The following KDM1B variants were observed in gnomAD, a reference collection of about 807,000 sequenced individuals.
The protein encoded by KDM1B is lysine-specific histone demethylase 2.
Under a neutral mutation model 107.4 loss-of-function variants are expected in KDM1B, and 63 were observed. The observed-to-expected ratio is 0.59, with a 90% CI of 0.48 to 0.72. The LOEUF is 0.72. KDM1B is among the 30% of genes least tolerant of loss of function. The pLI is 0.00. For synonymous variants in KDM1B, 363 were observed against 363.9 expected, an observed-to-expected ratio of 1.00 and a Z score of 0.03; for missense variants, 749 against 1,020.8, an observed-to-expected ratio of 0.73 and a Z score of 3.63.
At position 18,214,929 on chromosome 6, in the gene KDM1B, A is replaced by G. The variant is rs569449738; in HGVS notation, c.2110-78A>G. On this transcript the variant is annotated intron_variant, in intron 19 of 21. Coordinates refer to ENST00000650836, the MANE Select transcript of KDM1B (RefSeq NM_001364614.2). This position sits in a 1 kb window ranked among gnomAD's most constrained non-coding sequence, Gnocchi z 4.4. Reference sequence around the variant, plus strand: ...TGTCTCATTTAAAACAAAACAAAACAAAAAACAAAAAAAAGAGGCCCTTAT... The same window carrying G: ...TGTCTCATTTAAAACAAAACAAAACGAAAAACAAAAAAAAGAGGCCCTTAT... 33 of 1,457,020 alleles carry G rather than the reference A, an allele frequency of 2.3e-5. No individual in the cohort carries two copies. The highest frequency in any genetic ancestry group is 2.6e-5 in the Non-Finnish European group (29 of 1,095,126). 90.3% of individuals were successfully genotyped at this position (1,457,020 alleles called of 1,614,324 possible).
Position 18,203,035 on chromosome 6 carries a change from G to A in KDM1B, c.1531+1378G>A, listed in dbSNP as rs1041788569. Among the ~76,000 whole-genome samples the A allele has an allele frequency of 1.3e-5, 2 of 152,190 alleles. No homozygotes were observed. The highest frequency in any genetic ancestry group is 4.8e-5 in the African/African-American group (2 of 41,440). On this transcript the variant is annotated intron_variant, in intron 14 of 21. Transcript: ENST00000650836. The surrounding 1 kb of genome is among the most constrained non-coding windows in gnomAD (Gnocchi z 5.5). The stretch of plus-strand genomic sequence containing the variant: ...TTGGTTAGTGTTTTGTACCTGTGTT[G>A]CAGTCACTGGCTGGAGTTTTCATTA...
intron 10 of KDM1B, among the ~76,000 whole-genome samples, chr6:18,194,835 C>T (rs1787537849): frequency 6.6e-6 from 1 of 152,096 alleles, no homozygotes. Context: ...AAATTTACAG[C>T]TCAGTGGCAT....
chr6:18,219,473 C>T (rs1244060192), intron 21 of KDM1B, among the ~76,000 whole-genome samples: 1 of 151,948 alleles, frequency 6.6e-6, no homozygotes, highest in Non-Finnish European at 1.5e-5. Flanking sequence ...TAAAATCGTC[C>T]AACTCTAATT....
rs528312100 is a variant in KDM1B at position 18,197,099 on chromosome 6, C to T, written c.1012C>T (p.Arg338Trp). Reference protein sequence around the residue: ...PQKCIPHIIVRGLVRIRCVQE... With the variant: ...PQKCIPHIIVWGLVRIRCVQE... ...GAAATGTATTCCTCACATCATCGTC[C>T]GGGGTCTCGTGCGTATTCGATGCGT... Residue 338 changes from arginine (R) to tryptophan (W), a missense_variant, in exon 11 of 22, where the codon CGG becomes TGG. Arg to Trp is a moderately radical substitution (Grantham distance 101). Coordinates refer to ENST00000650836, the MANE Select transcript of KDM1B (RefSeq NM_001364614.2). This position sits in a 1 kb window ranked among gnomAD's most constrained non-coding sequence, Gnocchi z 4.5. The T allele has an allele frequency of 3.7e-6, 6 of 1,613,844 alleles. No individual in the cohort carries two copies. The South Asian group carries it at 4.4e-5, about 12-fold the overall frequency.
Position 18,201,401 on chromosome 6 carries a change from G to C in KDM1B, c.1360-85G>C. 4.1e-6 allele frequency: 4 copies of C among 968,162 alleles called. No homozygotes were observed. The highest frequency in any genetic ancestry group is 6.1e-6 in the Non-Finnish European group (4 of 658,224). The allele number at this position is 968,162 out of a possible 1,614,324, so 60.0% of individuals were successfully genotyped here. ...AGATATGAGACCATTTTCTCCATGA[G>C]AGCTCTGTCTGATTTTCAGCTTAGA... On this transcript the variant is annotated intron_variant, in intron 13 of 21. Coordinates refer to ENST00000650836, the MANE Select transcript of KDM1B (RefSeq NM_001364614.2). This position sits in a 1 kb window ranked among gnomAD's most constrained non-coding sequence, Gnocchi z 4.3.
intron 10 of KDM1B, among the ~76,000 whole-genome samples, chr6:18,192,639 G>A (rs1161594567): frequency 3.3e-5 from 5 of 151,666 alleles, no homozygotes; most frequent in Non-Finnish European, 7.4e-5. Context: ...GAGTGGTGGT[G>A]TGGCCCTGTA....
In KDM1B at chr6:18,212,723, C is replaced by G. The variant is rs571917078; in HGVS notation, c.1983+119C>G. 3.9e-3 allele frequency: 2,835 copies of G among 728,732 alleles called. 17 individuals are homozygous for G. The highest frequency in any genetic ancestry group is 4.9e-3 in the Non-Finnish European group (2,011 of 410,480). The allele number at this position is 728,732 out of a possible 1,614,324, so 45.1% of individuals were successfully genotyped here. On this transcript the variant is annotated intron_variant, in intron 18 of 21. Coordinates refer to ENST00000650836, the MANE Select transcript of KDM1B (RefSeq NM_001364614.2). The surrounding 1 kb of genome is among the most constrained non-coding windows in gnomAD (Gnocchi z 5.2). Reference sequence around the variant, plus strand: ...AATACAAATAAAACTCAAGGATTTCCTTTTCATTTGAGTAATTGTTCGTGA... The same window carrying G: ...AATACAAATAAAACTCAAGGATTTCGTTTTCATTTGAGTAATTGTTCGTGA...
intron 14 of KDM1B, among the ~76,000 whole-genome samples, chr6:18,202,636 A>C (rs1463257372): frequency 1.3e-5 from 2 of 152,186 alleles, no homozygotes; most frequent in Non-Finnish European, 2.9e-5. Flanking sequence ...TAGTGTGAAC[A>C]TTGGAACTCA....
chr6:18,219,755 A>G (rs1789534132), intron 21 of KDM1B, among the ~76,000 whole-genome samples: 1 of 152,224 alleles, frequency 6.6e-6, no homozygotes, highest in African/African-American at 2.4e-5. Context: ...TGAAAGCTCC[A>G]GCAAGCTTAT....
Position 18,223,599 on chromosome 6 carries a change from A to T in KDM1B, c.*1607A>T, listed in dbSNP as rs552116170. On this transcript the variant is annotated 3_prime_UTR_variant, in exon 22 of 22. Coordinates refer to ENST00000650836, the MANE Select transcript of KDM1B (RefSeq NM_001364614.2). The stretch of plus-strand genomic sequence containing the variant: ...AGTTTCCAGGCACTTGAACTGTGCT[A>T]CAAGTAGGGGAAAACCTACTTTAAA... The T allele has an allele frequency of 9.8e-5, 15 of 152,350 alleles. No individual in the cohort carries two copies. The highest frequency in any genetic ancestry group is 3.1e-4 in the African/African-American group (13 of 41,590). The allele number at this position is 152,350 out of a possible 1,614,324, so 9.4% of individuals were successfully genotyped here. A position where few individuals can be genotyped will look rare whatever the true frequency, so the allele number is the denominator to read the frequency against.
At position 18,209,407 on chromosome 6, in the gene KDM1B, C is replaced by T. The variant is rs1382810930; in HGVS notation, c.1866+1201C>T. ...TTGATTTTCATACAGAAGTAAAGGA[C>T]TGCATGTCACATGGGAAAGACAGGT... On this transcript the variant is annotated intron_variant, in intron 17 of 21. Coordinates refer to ENST00000650836, the MANE Select transcript of KDM1B (RefSeq NM_001364614.2). The surrounding 1 kb of genome is among the most constrained non-coding windows in gnomAD (Gnocchi z 4.3). 6.6e-6 allele frequency among the ~76,000 whole-genome samples: 1 copy of T among 152,166 alleles called. No individual in the cohort carries two copies. Among genetic ancestry groups the T allele is most frequent in the African/African-American group, 2.4e-5 (1 of 41,424 alleles).
At chr6:18,165,438 T>C (rs1382000322) in intron 5 of KDM1B, among the ~76,000 whole-genome samples, 1 of 152,176 alleles carries the variant, frequency 6.6e-6, no homozygotes, top group Non-Finnish European at 1.5e-5. Context: ...CCGCCTTCTC[T>C]GATTTTAATT....
intron 20 of KDM1B, 137 bp from the exon 21 acceptor site, chr6:18,217,596 C>T: frequency 3.2e-6 from 2 of 621,526 alleles, no homozygotes; most frequent in Non-Finnish European, 5.6e-6. Context: ...CCAGGATCGT[C>T]TCGATCTCCT....
chr6:18,156,778 G>A lies in KDM1B; in HGVS notation c.-14+852G>A, dbSNP rs533542742. ...CTAAAAATACAAAAATTAGCCGGAC[G>A]TGGTGGCACACACCTGTAATCCCAG... On this transcript the variant is annotated intron_variant, in intron 2 of 21. Coordinates refer to ENST00000650836, the MANE Select transcript of KDM1B (RefSeq NM_001364614.2). Among the ~76,000 whole-genome samples the A allele has an allele frequency of 3.9e-5, 6 of 152,156 alleles. No individual in the cohort carries two copies. In the East Asian group the frequency reaches 1.2e-3, roughly 29 times the overall value.
At position 18,203,943 on chromosome 6, in the gene KDM1B, C is replaced by G. The variant is rs1170646217; in HGVS notation, c.1532-1594C>G. On this transcript the variant is annotated intron_variant, in intron 14 of 21. Coordinates refer to ENST00000650836, the MANE Select transcript of KDM1B (RefSeq NM_001364614.2). This position sits in a 1 kb window ranked among gnomAD's most constrained non-coding sequence, Gnocchi z 5.5. ...TTGGTTTTTCTCCCCGCCGCCTCCACAAAACCAACAGGAATGTAGAAACTG... is the reference window on the plus strand; with the variant it reads ...TTGGTTTTTCTCCCCGCCGCCTCCAGAAAACCAACAGGAATGTAGAAACTG... Among the ~76,000 whole-genome samples, 1 of 151,632 alleles carries G rather than the reference C, an allele frequency of 6.6e-6. No individual in the cohort carries two copies. Among genetic ancestry groups the G allele is most frequent in the Admixed American group, 6.6e-5 (1 of 15,212 alleles).
At chr6:18,171,087 T>A (rs1785634148) in intron 6 of KDM1B, among the ~76,000 whole-genome samples, 1 of 152,310 alleles carries the variant, frequency 6.6e-6, no homozygotes, top group South Asian at 2.1e-4. Context: ...CCCAAAGTGC[T>A]GGGATTACAG....
intron 10 of KDM1B, among the ~76,000 whole-genome samples, chr6:18,194,501 T>A (rs1787515683): frequency 6.6e-6 from 1 of 152,156 alleles, no homozygotes; most frequent in South Asian, 2.1e-4. Context: ...AAAGTGTAAA[T>A]TGCTATATTT....
intron 17 of KDM1B, among the ~76,000 whole-genome samples, chr6:18,208,625 A>G (rs1486000505): frequency 2.8e-5 from 1 of 36,264 alleles, no homozygotes. Context: ...ATATATATAT[A>G]TATTTTTTTT....
At chr6:18,190,533 C>T (rs866880254) in intron 9 of KDM1B, among the ~76,000 whole-genome samples, 3 of 151,600 alleles carry the variant, frequency 2.0e-5, no homozygotes, top group Non-Finnish European at 2.9e-5. Context: ...ACCCGGGAGG[C>T]GGAGCTTGCA....
Sources: allele counts gnomAD v4.1 joint callset (sites outside exome capture counted in the v4.1 genomes callset), GRCh38; gene constraint gnomAD v4.1.1; non-coding constraint Gnocchi (gnomAD v3.1); transcripts MANE v1.5; gene names NCBI Gene and HGNC (gene_info 2026-07-23, HGNC 2026-07-21).